Variants in OR2C1 observed in about 807,000 individuals in gnomAD.
The protein encoded by OR2C1 is olfactory receptor 2C1.
For synonymous variants in OR2C1, 209 were observed against 167.3 expected, an observed-to-expected ratio of 1.25 and a Z score of -1.92; for missense variants, 468 against 388.3, an observed-to-expected ratio of 1.21 and a Z score of -1.73.
chr16:3,328,266 T>A, the OR2C1 span, among the ~76,000 whole-genome samples: 1 of 152,214 alleles, frequency 6.6e-6, no homozygotes, highest in Admixed American at 6.5e-5. Flanking sequence ...AAAAACATAC[T>A]TAGCCAAACA....
At chr16:3,348,102 A>G in the OR2C1 span, among the ~76,000 whole-genome samples, 1 of 152,242 alleles carries the variant, frequency 6.6e-6, no homozygotes, top group Admixed American at 6.5e-5. Context: ...GTAAATTAAA[A>G]CATGCACAGA....
the OR2C1 span, among the ~76,000 whole-genome samples, chr16:3,346,758 C>T: frequency 6.6e-6 from 1 of 150,714 alleles, no homozygotes; most frequent in Admixed American, 6.6e-5. Context: ...GCCTCCTGAG[C>T]AGCTGGGACT....
At chr16:3,357,979 C>CAAT (rs766585452), downstream of OR2C1, among the ~76,000 whole-genome samples, 3 of 151,722 alleles carry the variant, frequency 2.0e-5, no homozygotes, top group Non-Finnish European at 2.9e-5. Flanking sequence ...AACTCCGTCT[C>CAAT]AATAATAATA....
chr16:3,330,793 A>G, the OR2C1 span, among the ~76,000 whole-genome samples: 3 of 152,136 alleles, frequency 2.0e-5, no homozygotes, highest in Admixed American at 6.5e-5. Flanking sequence ...CCCAGGCTGC[A>G]TGCAGTGGCA....
chr16:3,335,043 T>C, the OR2C1 span, among the ~76,000 whole-genome samples: 1 of 152,116 alleles, frequency 6.6e-6, no homozygotes, highest in Non-Finnish European at 1.5e-5. Flanking sequence ...GGTCTTGAGC[T>C]CCTGACCTCA....
rs113396384 is a variant in OR2C1, at chr16:3,356,478, G to C, written c.538G>C (p.Glu180Gln). 3.4e-5 allele frequency: 55 copies of C among 1,613,964 alleles called. 1 individual carries two copies. Among genetic ancestry groups the C allele is most frequent in the Non-Finnish European group, 3.1e-5 (37 of 1,180,052 alleles). ...GHRRVEGFLC[E>Q]VPAMIKLACG... The stretch of plus-strand genomic sequence containing the variant: ...CCGGAGGGTGGAGGGATTCCTCTGC[G>C]AGGTGCCTGCCATGATCAAACTGGC... Residue 180 changes from glutamate to glutamine, a missense_variant, in exon 1 of 1, where the codon GAG becomes CAG. Coordinates refer to ENST00000304936, the MANE Select transcript of OR2C1 (RefSeq NM_012368.3).
chr16:3,332,662 A>C, the OR2C1 span, among the ~76,000 whole-genome samples: 1 of 151,946 alleles, frequency 6.6e-6, no homozygotes, highest in South Asian at 2.1e-4. Context: ...TCCATCTGTG[A>C]TGCTACAAAT....
the OR2C1 span, among the ~76,000 whole-genome samples, chr16:3,328,245 T>C: frequency 1.3e-5 from 2 of 152,204 alleles, no homozygotes; most frequent in African/African-American, 2.4e-5. Flanking sequence ...AATTTATCAG[T>C]GTGGTCTTAT....
At chr16:3,344,028 G>C in the OR2C1 span, among the ~76,000 whole-genome samples, 1 of 152,100 alleles carries the variant, frequency 6.6e-6, no homozygotes, top group Non-Finnish European at 1.5e-5. Flanking sequence ...AGACCAGCCA[G>C]GCCAACATGG....
the OR2C1 span, among the ~76,000 whole-genome samples, chr16:3,345,652 G>A: frequency 2.0e-5 from 3 of 151,992 alleles, no homozygotes; most frequent in Non-Finnish European, 4.4e-5. Context: ...CACATCAATA[G>A]AGTAGGTGCC....
chr16:3,337,612 T>A, the OR2C1 span, among the ~76,000 whole-genome samples: 1 of 152,182 alleles, frequency 6.6e-6, no homozygotes, highest in Non-Finnish European at 1.5e-5. Context: ...TACCTCAGTC[T>A]TTTTGTTATA....
the OR2C1 span, among the ~76,000 whole-genome samples, chr16:3,327,592 G>T: frequency 6.6e-6 from 1 of 151,086 alleles, no homozygotes. Flanking sequence ...TAATGAGAGT[G>T]GTCCGGAAGG....
At chr16:3,355,168 A>C (rs1170462834), upstream of OR2C1, among the ~76,000 whole-genome samples, 1 of 151,868 alleles carries the variant, frequency 6.6e-6, no homozygotes, top group Non-Finnish European at 1.5e-5. Flanking sequence ...TTACAACAGA[A>C]GTTTGAAATC....
chr16:3,338,110 G>A, the OR2C1 span, among the ~76,000 whole-genome samples: 59,592 of 151,950 alleles, frequency 0.39, 12,310 homozygotes, highest in East Asian at 0.66. Flanking sequence ...TGGGAAGGCT[G>A]GCTAAGGTTT....
the OR2C1 span, among the ~76,000 whole-genome samples, chr16:3,334,728 A>G: frequency 6.6e-6 from 1 of 151,284 alleles, no homozygotes; most frequent in African/African-American, 2.4e-5. Context: ...CCATTGGCCT[A>G]TGTGTCTGTT....
Position 3,356,108 on chromosome 16 carries a change from T to C in OR2C1, c.168T>C (p.His56=). The C allele has an allele frequency of 2.5e-6, 4 of 1,614,186 alleles. No individual in the cohort carries two copies. The highest frequency in any genetic ancestry group is 3.4e-6 in the Non-Finnish European group (4 of 1,180,036). Residue 56 remains histidine, a synonymous_variant, in exon 1 of 1, where the codon CAT becomes CAC. Coordinates refer to ENST00000304936, the MANE Select transcript of OR2C1 (RefSeq NM_012368.3). ...ILLSRLEARL[H]TPMYFFLSNL... is the part of the protein sequence containing the mutation. ...TTTCCCGCCTGGAGGCCCGGCTCCATACACCCATGTACTTCTTCCTCAGCA... is the reference window on the plus strand; with the variant it reads ...TTTCCCGCCTGGAGGCCCGGCTCCACACACCCATGTACTTCTTCCTCAGCA...
At chr16:3,338,538 C>CTTTT in the OR2C1 span, among the ~76,000 whole-genome samples, 307 of 103,346 alleles carry the variant, frequency 3.0e-3, 23 homozygotes, top group Non-Finnish European at 4.8e-3. Context: ...GTATAGGTAC[C>CTTTT]TTTTTTTTTT....
chr16:3,330,570 T>G, the OR2C1 span, among the ~76,000 whole-genome samples: 1 of 152,322 alleles, frequency 6.6e-6, no homozygotes, highest in Middle Eastern at 3.4e-3. Context: ...TTTTTTGCCT[T>G]GTGAACCATC....
chr16:3,347,806 A>G, the OR2C1 span, among the ~76,000 whole-genome samples: 1 of 147,180 alleles, frequency 6.8e-6, no homozygotes, highest in African/African-American at 2.5e-5. Flanking sequence ...GCACACACGC[A>G]CGTGCACACA....
Sources: gnomAD v4.1 joint callset for allele counts (sites outside exome capture counted in the v4.1 genomes callset) on GRCh38, gnomAD v4.1.1 for gene constraint, MANE v1.5 for transcripts, NCBI Gene and HGNC (gene_info 2026-07-23, HGNC 2026-07-21) for gene names.